Variants in NAV1 observed in about 807,000 individuals in gnomAD.
The protein encoded by NAV1 is neuron navigator 1.
A neutral mutation model predicts 175.2 loss-of-function variants in NAV1; 18 were observed. The observed-to-expected ratio is 0.10, with a 90% CI of 0.07 to 0.15. The LOEUF (loss-of-function observed/expected upper bound fraction) is 0.15, where lower values mean the gene tolerates loss of function less well. NAV1 is among the 10% of genes least tolerant of loss of function. NAV1 has a pLI of 1.00. For synonymous variants in NAV1, 897 were observed against 978.7 expected (o/e 0.92, Z 1.56); for missense variants, 1,731 against 2,436.6 (o/e 0.71, Z 6.10).
intron 1 of NAV1, among the ~76,000 whole-genome samples, chr1:201,581,212 C>T (rs1261106302): frequency 2.0e-5 from 3 of 152,094 alleles, no homozygotes; most frequent in Non-Finnish European, 2.9e-5. Flanking sequence ...GTTTTTGTTA[C>T]GGTTCGAGTG....
At chr1:201,670,247 G>A (rs1669986425) in intron 1 of NAV1, among the ~76,000 whole-genome samples, 1 of 151,604 alleles carries the variant, frequency 6.6e-6, no homozygotes, top group Non-Finnish European at 1.5e-5. Flanking sequence ...GGGCGTGGTG[G>A]TGGGCACCTG....
chr1:201,721,154 T>G (rs1031900865), intron 3 of NAV1, among the ~76,000 whole-genome samples: 1 of 151,858 alleles, frequency 6.6e-6, no homozygotes, highest in Non-Finnish European at 1.5e-5. Context: ...TTGGGAAGCC[T>G]GGAGTTTGCA....
chr1:201,798,733 C>T (rs1299505642), intron 15 of NAV1: 3 of 96,608 alleles, frequency 3.1e-5, no homozygotes, highest in Non-Finnish European at 5.5e-5. Flanking sequence ...GATGAATTCT[C>T]ACTCTCTTGC....
chr1:201,623,084 A>G (rs1366756217), exon 1 of NAV1: 2 of 984,914 alleles, frequency 2.0e-6, no homozygotes, highest in Non-Finnish European at 2.4e-6. Flanking sequence ...CCTTCTAGAA[A>G]CTCCTCTCCT....
At position 201,740,159 on chromosome 1, in the gene NAV1, C is replaced by T. The variant is rs572352071; in HGVS notation, c.1226+21404C>T. On this transcript the variant is annotated intron_variant, in intron 3 of 29. Coordinates refer to ENST00000367296, the Ensembl canonical transcript of NAV1. This position sits in a 1 kb window ranked among gnomAD's most constrained non-coding sequence, Gnocchi z 4.7. ...GTGGCACCCCCAGCCCCGCCGCAGC[C>T]CCCCAGTTCCGCCGCAGCTGCAGTC... is the stretch of plus-strand genomic sequence containing the variant. 4 of 1,146,432 alleles carry T rather than the reference C, an allele frequency of 3.5e-6. No individual in the cohort carries two copies. The South Asian group carries it at 7.0e-5, about 20-fold the overall frequency. The allele number at this position is 1,146,432 out of a possible 1,614,324, so 71.0% of individuals were successfully genotyped here.
At chr1:201,756,350 A>T in intron 3 of NAV1, among the ~76,000 whole-genome samples, 1 of 152,216 alleles carries the variant, frequency 6.6e-6, no homozygotes, top group East Asian at 1.9e-4. Context: ...ATTTTCAGAC[A>T]TTTAAAAAGC....
chr1:201,572,006 A>G (rs1050161278), intron 1 of NAV1, among the ~76,000 whole-genome samples: 4 of 152,218 alleles, frequency 2.6e-5, no homozygotes, highest in African/African-American at 9.6e-5. Flanking sequence ...TCACTCAGTC[A>G]TTCACTCATC....
chr1:201,793,932 C>G, intron 14 of NAV1, 57 bp downstream of exon 18: 1 of 1,442,494 alleles, frequency 6.9e-7, no homozygotes. Context: ...TTCTCCTGGA[C>G]AGAGAGGCCG....
intron 1 of NAV1, among the ~76,000 whole-genome samples, chr1:201,654,885 T>C (rs897691221): frequency 6.6e-6 from 1 of 152,160 alleles, no homozygotes; most frequent in African/African-American, 2.4e-5. Flanking sequence ...TAGATAGATA[T>C]TTCTTCTGTT....
intron 3 of NAV1, among the ~76,000 whole-genome samples, chr1:201,765,539 C>T (rs956972697): frequency 4.6e-5 from 7 of 151,888 alleles, no homozygotes; most frequent in Admixed American, 2.0e-4. Context: ...GGACGACAGG[C>T]GCGTGCCACC....
intron 3 of NAV1, among the ~76,000 whole-genome samples, chr1:201,765,381 C>CTTTTTTTTTTTT (rs59583786): frequency 2.2e-4 from 22 of 98,594 alleles, no homozygotes; most frequent in African/African-American, 4.4e-4. Flanking sequence ...AGGAAATATT[C>CTTTTTTTTTTTT]TTTTTTTTTT....
intron 1 of NAV1, among the ~76,000 whole-genome samples, chr1:201,663,308 G>A (rs535108439): frequency 1.1e-4 from 16 of 152,222 alleles, no homozygotes; most frequent in African/African-American, 1.7e-4. Context: ...TCAACAGACC[G>A]TGAGATGTGG....
At chr1:201,714,945 G>T (rs1316747080) in intron 2 of NAV1, among the ~76,000 whole-genome samples, 6 of 152,176 alleles carry the variant, frequency 3.9e-5, no homozygotes, top group Non-Finnish European at 7.4e-5. Context: ...TGGGAAAGGG[G>T]AGGCTTCAAT....
At chr1:201,670,532 A>AGTGATGGTGGCAGTGATG (rs1305217513) in intron 1 of NAV1, among the ~76,000 whole-genome samples, 2 of 151,602 alleles carry the variant, frequency 1.3e-5, no homozygotes, top group Non-Finnish European at 2.9e-5. Flanking sequence ...TGGCAGCAGC[A>AGTGATGGTGGCAGTGATG]GTGATGGTGG....
chr1:201,679,119 A>G (rs1670371034), intron 1 of NAV1, among the ~76,000 whole-genome samples: 1 of 152,194 alleles, frequency 6.6e-6, no homozygotes, highest in Non-Finnish European at 1.5e-5. Context: ...GCGGGGAGCC[A>G]ACCTCCTGAG....
At chr1:201,794,247 G>A (rs1331480912) in intron 14 of NAV1, 1 of 635,324 alleles carries the variant, frequency 1.6e-6, no homozygotes, top group Admixed American at 2.1e-5. Context: ...TGCCTCCCAG[G>A]TTCAAGCGAT....
chr1:201,677,250 C>CAAAAAA (rs3053786), intron 1 of NAV1, among the ~76,000 whole-genome samples: 2 of 110,698 alleles, frequency 1.8e-5, no homozygotes, highest in African/African-American at 3.5e-5. Context: ...GACTCCATCT[C>CAAAAAA]AAAAAAAAAA....
At chr1:201,676,426 G>T (rs1670253010) in intron 1 of NAV1, among the ~76,000 whole-genome samples, 1 of 152,224 alleles carries the variant, frequency 6.6e-6, no homozygotes, top group Admixed American at 6.5e-5. Context: ...AGGACACAGA[G>T]TCGGCTTCCT....
chr1:201,570,424 T>C (rs974199583), intron 1 of NAV1, among the ~76,000 whole-genome samples: 46 of 152,170 alleles, frequency 3.0e-4, no homozygotes, highest in African/African-American at 1.1e-3. Context: ...CAATGAGAAG[T>C]ACAGGTCTGC....
Sources: allele counts gnomAD v4.1 joint callset (sites outside exome capture counted in the v4.1 genomes callset), GRCh38; gene constraint gnomAD v4.1.1; non-coding constraint Gnocchi (gnomAD v3.1); transcripts MANE v1.5; gene names NCBI Gene and HGNC (gene_info 2026-07-23, HGNC 2026-07-21).